LAMA3: variants seen among roughly 807,000 people sequenced by gnomAD.
LAMA3 encodes laminin subunit alpha-3.
In LAMA3, 281 loss-of-function variants were observed where a neutral mutation model predicts 402.0. That is an observed-to-expected ratio of 0.70 (90% CI 0.63 to 0.77). The LOEUF is 0.77. Ranked by LOEUF, LAMA3 falls within the 30% of genes least tolerant of loss-of-function variation. LAMA3 has a pLI of 0.00. For missense variants in LAMA3, 3,840 were observed against 4,215.5 expected, an observed-to-expected ratio of 0.91 and a Z score of 2.47; for synonymous variants, 1,431 against 1,558.4, an observed-to-expected ratio of 0.92 and a Z score of 1.93.
At position 23,762,537 on chromosome 18, in the gene LAMA3, C is replaced by A. The variant is rs370120865; in HGVS notation, c.1064-868C>A. Among the ~76,000 whole-genome samples the A allele has an allele frequency of 5.3e-5, 8 of 151,222 alleles. No individual in the cohort carries two copies. In the East Asian group the frequency reaches 6.0e-4, roughly 11 times the overall value. On this transcript the variant is annotated intron_variant, in intron 7 of 74. Transcript: ENST00000313654. ...CCAGGAGGCAGAGGTCGCAGTGAGT[C>A]GAGATCGTGCCACTGCACTCCAGCC...
intron 38 of LAMA3, among the ~76,000 whole-genome samples, chr18:23,875,117 G>A (rs556990527): frequency 7.9e-5 from 12 of 152,210 alleles, no homozygotes; most frequent in South Asian, 6.2e-4. Flanking sequence ...CACCCGCCTC[G>A]GCCTCCCAAA....
At chr18:23,945,038 C>A (rs1265470284) in intron 69 of LAMA3, among the ~76,000 whole-genome samples, 1 of 152,096 alleles carries the variant, frequency 6.6e-6, no homozygotes, top group Non-Finnish European at 1.5e-5. Context: ...GAGGCTGAGG[C>A]AGGAGAATCG....
At chr18:23,810,735 A>G (rs1164937888) in intron 13 of LAMA3, among the ~76,000 whole-genome samples, 1 of 152,188 alleles carries the variant, frequency 6.6e-6, no homozygotes, top group Non-Finnish European at 1.5e-5. Flanking sequence ...ACTAAAAATA[A>G]TGTAAATTTC....
At chr18:23,824,295 T>A (rs1478062640) in intron 20 of LAMA3, 128 bp from the exon 21 acceptor site, 2 of 898,300 alleles carry the variant, frequency 2.2e-6, no homozygotes, top group Non-Finnish European at 3.6e-6. Flanking sequence ...ATAAGATCAG[T>A]AAATCTGATC....
At chr18:23,771,183 A>G (rs2062191418) in intron 8 of LAMA3, among the ~76,000 whole-genome samples, 1 of 152,248 alleles carries the variant, frequency 6.6e-6, no homozygotes, top group East Asian at 1.9e-4. Flanking sequence ...ATGGATGAAG[A>G]AACTCAGGCA....
chr18:23,798,455 C>A (rs766435435), intron 12 of LAMA3, among the ~76,000 whole-genome samples: 3 of 152,188 alleles, frequency 2.0e-5, no homozygotes, highest in Non-Finnish European at 4.4e-5. Context: ...AACATACTCT[C>A]CTGAGTCAGA....
chr18:23,919,675 A>G (rs2081762287), intron 60 of LAMA3, among the ~76,000 whole-genome samples: 1 of 152,172 alleles, frequency 6.6e-6, no homozygotes, highest in African/African-American at 2.4e-5. Flanking sequence ...GGCATGAAGA[A>G]GGCCTGGAGG....
At chr18:23,939,081 C>CAAAG in intron 67 of LAMA3, 142 bp from the exon 68 acceptor site, 1 of 863,208 alleles carries the variant, frequency 1.2e-6, no homozygotes, top group East Asian at 2.5e-5. Context: ...GCGGAAACTT[C>CAAAG]CCATCTCCAT....
At chr18:23,754,946 G>A (rs2061816803) in intron 6 of LAMA3, among the ~76,000 whole-genome samples, 1 of 152,214 alleles carries the variant, frequency 6.6e-6, no homozygotes, top group African/African-American at 2.4e-5. Context: ...GGTCTGTGAT[G>A]TGCGTTGTGG....
intron 44 of LAMA3, among the ~76,000 whole-genome samples, chr18:23,896,530 A>T (rs940150931): frequency 6.6e-6 from 1 of 152,156 alleles, no homozygotes; most frequent in Non-Finnish European, 1.5e-5. Context: ...AATGTGGTCC[A>T]TTTGGGTGAA....
intron 12 of LAMA3, among the ~76,000 whole-genome samples, chr18:23,802,962 C>T (rs1454371804): frequency 6.6e-6 from 1 of 152,146 alleles, no homozygotes; most frequent in Non-Finnish European, 1.5e-5. Context: ...TTGTATTAAG[C>T]CACCTGTTCA....
At chr18:23,760,442 T>C (rs2061945328) in intron 7 of LAMA3, among the ~76,000 whole-genome samples, 1 of 152,158 alleles carries the variant, frequency 6.6e-6, no homozygotes, top group African/African-American at 2.4e-5. Flanking sequence ...AATTAAGTCT[T>C]CCTTCACATA....
At chr18:23,799,530 C>G (rs901287245) in intron 12 of LAMA3, among the ~76,000 whole-genome samples, 2 of 152,208 alleles carry the variant, frequency 1.3e-5, no homozygotes, top group Non-Finnish European at 2.9e-5. Context: ...GCTCCCCAGA[C>G]AACCCCTGTG....
In LAMA3 at chr18:23,814,481, G is replaced by T. The variant is rs776052798; in HGVS notation, c.1867G>T (p.Glu623Ter). ...ACTGTTATATTGGAATCTGGACAAA[G>T]AAAACCCCAGTGGATGTTCAGGTAG... is the stretch of plus-strand genomic sequence containing the variant. ...CKLLYWNLDK[E>*]NPSGCSECKC... The change falls in exon 15 of 75, where the codon GAA (glutamate) becomes TAA (stop). Residue 623 changes from glutamate to a stop codon, truncating the protein, a stop_gained. Transcript: ENST00000313654. LOFTEE classifies it high-confidence loss of function. 1 of 1,612,408 alleles carries T rather than the reference G, an allele frequency of 6.2e-7. No individual in the cohort carries two copies. The highest frequency in any genetic ancestry group is 1.1e-5 in the South Asian group (1 of 91,044).
chr18:23,928,598 G>A, intron 63 of LAMA3, 27 bp from the exon 64 acceptor site: 1 of 1,611,692 alleles, frequency 6.2e-7, no homozygotes, highest in Non-Finnish European at 8.5e-7. Context: ...TACAATGCCA[G>A]TAATTTATTC....
intron 32 of LAMA3, among the ~76,000 whole-genome samples, chr18:23,853,016 G>A (rs2063980828): frequency 6.6e-6 from 1 of 152,042 alleles, no homozygotes; most frequent in Non-Finnish European, 1.5e-5. Flanking sequence ...ATTGGCCAAA[G>A]CAAGTTGACT....
chr18:23,863,210 G>A (rs1479409422), intron 35 of LAMA3, among the ~76,000 whole-genome samples: 3 of 152,364 alleles, frequency 2.0e-5, no homozygotes, highest in East Asian at 3.9e-4. Context: ...TTGGGAGGCC[G>A]AGACAAGCGG....
At chr18:23,949,653 C>A in intron 70 of LAMA3, 112 bp from the exon 71 acceptor site, 2 of 1,009,234 alleles carry the variant, frequency 2.0e-6, no homozygotes, top group Non-Finnish European at 3.1e-6. Flanking sequence ...AAGAATGAAT[C>A]CCTACCTACC....
At chr18:23,807,117 T>G (rs2062977514) in intron 12 of LAMA3, among the ~76,000 whole-genome samples, 1 of 152,204 alleles carries the variant, frequency 6.6e-6, no homozygotes, top group Non-Finnish European at 1.5e-5. Context: ...CATTAGTGCT[T>G]CTAAATCTAG....
Sources: gnomAD v4.1 joint callset for allele counts (sites outside exome capture counted in the v4.1 genomes callset) on GRCh38, gnomAD v4.1.1 for gene constraint, MANE v1.5 for transcripts, NCBI Gene and HGNC (gene_info 2026-07-23, HGNC 2026-07-21) for gene names.